Variants in FAM13A observed in about 807,000 individuals in gnomAD.
The protein encoded by FAM13A is protein FAM13A.
A neutral mutation model predicts 129.6 loss-of-function variants in FAM13A; 76 were observed. The ratio of observed to expected loss-of-function variants is 0.59; its 90% CI spans 0.49 to 0.71. The LOEUF (loss-of-function observed/expected upper bound fraction) is 0.71. FAM13A is among the 30% of genes least tolerant of loss of function. The pLI is 0.00. For synonymous variants in FAM13A, 443 were observed against 449.9 expected (o/e 0.98, Z 0.20); for missense variants, 1,108 against 1,249.3 (o/e 0.89, Z 1.70).
intron 6 of FAM13A, among the ~76,000 whole-genome samples, chr4:88,883,158 A>G (rs1028144034): frequency 1.3e-5 from 2 of 152,208 alleles, no homozygotes; most frequent in Admixed American, 1.3e-4. Flanking sequence ...CCTTAAAACA[A>G]ATAGACTTAA....
intron 4 of FAM13A, among the ~76,000 whole-genome samples, chr4:88,970,249 A>G (rs1394022658): frequency 6.6e-6 from 1 of 152,184 alleles, no homozygotes; most frequent in African/African-American, 2.4e-5. Flanking sequence ...AATCTACCTC[A>G]GCCCCCAGAT....
chr4:88,830,873 A>T (rs1343606025), intron 7 of FAM13A, among the ~76,000 whole-genome samples: 2 of 152,216 alleles, frequency 1.3e-5, no homozygotes, highest in African/African-American at 4.8e-5. Context: ...AACACAGAAA[A>T]TAAGATTCAA....
intron 5 of FAM13A, among the ~76,000 whole-genome samples, chr4:88,918,779 C>A (rs914151818): frequency 2.6e-5 from 4 of 152,176 alleles, no homozygotes; most frequent in Non-Finnish European, 5.9e-5. Flanking sequence ...TTGTGTACAC[C>A]ATATCATTTC....
intron 4 of FAM13A, among the ~76,000 whole-genome samples, chr4:88,981,739 T>C (rs186984899): frequency 2.6e-5 from 4 of 152,286 alleles, no homozygotes; most frequent in Admixed American, 2.6e-4. Flanking sequence ...CAAAGACACA[T>C]AACAGTTTGC....
intron 6 of FAM13A, among the ~76,000 whole-genome samples, chr4:88,865,715 A>C (rs1455974749): frequency 6.6e-6 from 1 of 152,236 alleles, no homozygotes; most frequent in Non-Finnish European, 1.5e-5. Flanking sequence ...CGTGGACAGC[A>C]TGAAAGCAGC....
At chr4:88,913,151 G>C (rs1385871553) in intron 5 of FAM13A, among the ~76,000 whole-genome samples, 1 of 144,922 alleles carries the variant, frequency 6.9e-6, no homozygotes, top group Non-Finnish European at 1.5e-5. Context: ...AGAGGAAGAA[G>C]AGGAGGAGGA....
chr4:88,961,347 C>CTTTTTTTTTTTT lies in FAM13A; in HGVS notation c.606-23118_606-23107dup, dbSNP rs773764813. Among the ~76,000 whole-genome samples, 13 of 55,442 alleles carry CTTTTTTTTTTTT rather than the reference C, an allele frequency of 2.3e-4. 4 individuals are homozygous for CTTTTTTTTTTTT. Among genetic ancestry groups the CTTTTTTTTTTTT allele is most frequent in the East Asian group, 9.7e-4 (2 of 2,056 alleles). 36.4% of individuals were successfully genotyped at this position (55,442 alleles called of 152,430 possible). On this transcript the variant is annotated intron_variant, in intron 4 of 23. Transcript: ENST00000264344. ...AAATCCTCAGCTTTGTGGAATTTGC[C>CTTTTTTTTTTTT]TTTTTTTTTTTTTTTTTTTTTTTTT...
chr4:88,818,698 G>T (rs952394444), intron 7 of FAM13A, among the ~76,000 whole-genome samples: 1 of 152,196 alleles, frequency 6.6e-6, no homozygotes, highest in Non-Finnish European at 1.5e-5. Flanking sequence ...CACTGGCCCA[G>T]ATTTAAAGTG....
chr4:88,757,264 G>A (rs146132861), intron 14 of FAM13A, among the ~76,000 whole-genome samples: 2 of 152,226 alleles, frequency 1.3e-5, no homozygotes, highest in Admixed American at 6.5e-5. Flanking sequence ...ATAACAAACT[G>A]AGTCCATTTC....
intron 6 of FAM13A, among the ~76,000 whole-genome samples, chr4:88,881,458 G>A (rs1554015430): frequency 5.3e-5 from 8 of 152,012 alleles, no homozygotes; most frequent in Non-Finnish European, 2.9e-5. Context: ...CACCCCATGG[G>A]AAAAAAGCAT....
At chr4:88,913,334 G>A (rs1295911748) in intron 5 of FAM13A, among the ~76,000 whole-genome samples, 2 of 147,524 alleles carry the variant, frequency 1.4e-5, no homozygotes, top group African/African-American at 5.0e-5. Context: ...GGAGGAAGAA[G>A]AAGAAGAGGA....
At chr4:88,845,581 T>C (rs1736505011) in intron 7 of FAM13A, among the ~76,000 whole-genome samples, 1 of 152,014 alleles carries the variant, frequency 6.6e-6, no homozygotes, top group African/African-American at 2.4e-5. Context: ...CCACAATACA[T>C]TTACTATAAT....
intron 14 of FAM13A, 41 bp downstream of exon 14, chr4:88,758,713 C>T: frequency 1.3e-6 from 2 of 1,587,030 alleles, no homozygotes; most frequent in South Asian, 2.3e-5. Flanking sequence ...TTTATATATG[C>T]TTTAATGATA....
intron 12 of FAM13A, 69 bp downstream of exon 12, chr4:88,767,901 TTCTTATAATTCAC>T: frequency 1.2e-6 from 1 of 853,844 alleles, no homozygotes; most frequent in Admixed American, 1.9e-5. Flanking sequence ...TTCTTTTTAG[TTCTTATAATTCAC>T]ATTGCATTAC....
Position 89,029,522 on chromosome 4 carries a change from C to T in FAM13A, c.155G>A (p.Gly52Glu). The change falls in exon 2 of 24, where the codon GGG (glycine) becomes GAG (glutamate). Residue 52 changes from glycine (G) to glutamate (E), a missense_variant. Physicochemically the swap from Gly to Glu is moderately conservative, Grantham distance 98. Around this residue, in one of 3 missense-constraint regions of FAM13A, gnomAD observed 566 missense variants for 595.7 expected, o/e 0.95. Transcript: ENST00000264344. ...GVSLQELERQGLTENGIPAVV... is the reference protein window; with the variant it reads ...GVSLQELERQELTENGIPAVV... ...TGCTGGAATGCCATTCTCGGTGAGCCCCTGCCGTTCAAGTTCTTGGAGACT... is the reference window on the plus strand; with the variant it reads ...TGCTGGAATGCCATTCTCGGTGAGCTCCTGCCGTTCAAGTTCTTGGAGACT... 1 of 1,592,258 alleles carries T rather than the reference C, an allele frequency of 6.3e-7. No individual in the cohort carries two copies. Among genetic ancestry groups the T allele is most frequent in the Non-Finnish European group, 8.5e-7 (1 of 1,173,830 alleles).
intron 1 of FAM13A, among the ~76,000 whole-genome samples, chr4:89,054,324 T>C (rs1414474608): frequency 6.6e-6 from 1 of 150,914 alleles, no homozygotes; most frequent in Non-Finnish European, 1.5e-5. Context: ...CACACGTACG[T>C]ACTACAGATA....
Position 88,911,153 on chromosome 4 carries a change from T to C in FAM13A, c.760-4691A>G, listed in dbSNP as rs142370848. 2.0e-3 allele frequency among the ~76,000 whole-genome samples: 305 copies of C among 152,272 alleles called. 4 individuals carry two copies. Among genetic ancestry groups the C allele is most frequent in the African/African-American group, 7.0e-3 (291 of 41,546 alleles). The stretch of plus-strand genomic sequence containing the variant: ...CTCCTGCTTTTAGTCCCTTCTTAAT[T>C]CCCTTCTTAAATTCCCTTTATGATC... On this transcript the variant is annotated intron_variant, in intron 5 of 23. Transcript: ENST00000264344.
chr4:88,835,700 C>T (rs575933207), intron 7 of FAM13A, among the ~76,000 whole-genome samples: 87 of 151,966 alleles, frequency 5.7e-4, no homozygotes, highest in Non-Finnish European at 1.0e-3. Flanking sequence ...CAACCTAGAT[C>T]CCTTGCATGT....
At chr4:88,809,066 A>C (rs987257805) in intron 7 of FAM13A, among the ~76,000 whole-genome samples, 6 of 152,302 alleles carry the variant, frequency 3.9e-5, no homozygotes, top group African/African-American at 1.4e-4. Context: ...TAGACTGATA[A>C]TCTCTTCATG....
Sources: allele counts gnomAD v4.1 joint callset (sites outside exome capture counted in the v4.1 genomes callset), GRCh38; gene constraint gnomAD v4.1.1; regional missense constraint gnomAD v4.1.1; transcripts MANE v1.5; gene names NCBI Gene and HGNC (gene_info 2026-07-23, HGNC 2026-07-21).